The following GALNTL6 variants were observed in gnomAD, a reference collection of about 807,000 sequenced individuals.
The protein encoded by GALNTL6 is polypeptide N-acetylgalactosaminyltransferase like 6.
GALNTL6 carries 46 observed loss-of-function variants against 73.7 expected under a neutral mutation model. The observed-to-expected ratio is 0.62, with a 90% confidence interval of 0.49 to 0.80. GALNTL6 has a LOEUF of 0.80. Among genes scored for constraint, GALNTL6 ranks in the 30% least tolerant of loss-of-function variants. The pLI, the probability that GALNTL6 is intolerant of heterozygous loss-of-function variation, is 0.00. For missense variants in GALNTL6, 604 were observed against 755.0 expected, an observed-to-expected ratio of 0.80 and a Z score of 2.34; for synonymous variants, 259 against 263.7, an observed-to-expected ratio of 0.98 and a Z score of 0.17.
At chr4:172,090,812 G>T (rs923119826) in intron 2 of GALNTL6, among the ~76,000 whole-genome samples, 1 of 152,086 alleles carries the variant, frequency 6.6e-6, no homozygotes, top group Non-Finnish European at 1.5e-5. Flanking sequence ...TTCTTCTAGG[G>T]TTTTTATGGT....
At chr4:172,878,302 T>G (rs1293285506) in intron 7 of GALNTL6, among the ~76,000 whole-genome samples, 1 of 151,914 alleles carries the variant, frequency 6.6e-6, no homozygotes, top group Non-Finnish European at 1.5e-5. Flanking sequence ...TAGGGCCACT[T>G]ATTTCCAACA....
chr4:172,469,024 G>A (rs1732941247), intron 5 of GALNTL6, among the ~76,000 whole-genome samples: 1 of 152,126 alleles, frequency 6.6e-6, no homozygotes, highest in South Asian at 2.1e-4. Context: ...GGATTCATTG[G>A]TTGGCATTTG....
chr4:172,953,053 G>A (rs1263721618), intron 10 of GALNTL6, among the ~76,000 whole-genome samples: 1 of 152,142 alleles, frequency 6.6e-6, no homozygotes. Flanking sequence ...GAGTCATGAA[G>A]AAATGCATTT....
intron 5 of GALNTL6, among the ~76,000 whole-genome samples, chr4:172,498,975 C>G (rs1023236594): frequency 6.6e-6 from 1 of 152,292 alleles, no homozygotes; most frequent in South Asian, 2.1e-4. Context: ...AAAAACCTTA[C>G]TTAGTCTGGC....
At chr4:171,944,823 A>G (rs562262598) in intron 2 of GALNTL6, among the ~76,000 whole-genome samples, 2 of 151,906 alleles carry the variant, frequency 1.3e-5, no homozygotes, top group Non-Finnish European at 2.9e-5. Context: ...TAAAAAAAAA[A>G]TCTCACCTGT....
chr4:172,034,064 C>T (rs1377404653), intron 2 of GALNTL6, among the ~76,000 whole-genome samples: 1 of 152,006 alleles, frequency 6.6e-6, no homozygotes, highest in African/African-American at 2.4e-5. Flanking sequence ...AGTGAGTTGT[C>T]GGGGCCCAAA....
At chr4:172,887,829 G>T (rs1745813108) in intron 8 of GALNTL6, among the ~76,000 whole-genome samples, 1 of 152,240 alleles carries the variant, frequency 6.6e-6, no homozygotes, top group Admixed American at 6.5e-5. Context: ...CTCCCAAAGT[G>T]CTAGGATTGT....
In GALNTL6 at chr4:172,635,712, G is replaced by C. The variant is rs551481666; in HGVS notation, c.554-173649G>C. Among the ~76,000 whole-genome samples the C allele has an allele frequency of 3.9e-5, 6 of 152,198 alleles. No individual in the cohort carries two copies. The South Asian group carries it at 1.2e-3, about 32-fold the overall frequency. On this transcript the variant is annotated intron_variant, in intron 5 of 12. Transcript: ENST00000506823. ...AGAAACAAATGAAGTATTCTAGATT[G>C]TGGATGATCAGATCCAAGTTTGGCA... is the stretch of plus-strand genomic sequence containing the variant.
chr4:172,903,577 T>A (rs1448617062), intron 8 of GALNTL6, among the ~76,000 whole-genome samples: 1 of 152,188 alleles, frequency 6.6e-6, no homozygotes, highest in African/African-American at 2.4e-5. Context: ...CCTATAAATG[T>A]ACATTTATTT....
chr4:172,445,269 A>G (rs371140308), intron 5 of GALNTL6, among the ~76,000 whole-genome samples: 1 of 152,178 alleles, frequency 6.6e-6, no homozygotes, highest in Admixed American at 6.5e-5. Flanking sequence ...CCCATTTCCA[A>G]ATAATTTAAA....
chr4:172,583,527 G>A (rs879464704), intron 5 of GALNTL6, among the ~76,000 whole-genome samples: 12 of 152,092 alleles, frequency 7.9e-5, no homozygotes, highest in South Asian at 2.1e-4. Flanking sequence ...ATTTGGAAGC[G>A]TAAATTTGAA....
chr4:171,832,755 T>C (rs1346204982), intron 2 of GALNTL6, among the ~76,000 whole-genome samples: 5 of 151,744 alleles, frequency 3.3e-5, no homozygotes, highest in African/African-American at 1.2e-4. Context: ...TTGATTTTTA[T>C]TAATTATGAG....
At chr4:172,758,176 A>G (rs1737859586) in intron 5 of GALNTL6, among the ~76,000 whole-genome samples, 1 of 152,250 alleles carries the variant, frequency 6.6e-6, no homozygotes, top group Non-Finnish European at 1.5e-5. Flanking sequence ...AGTATTGTAT[A>G]CATGTTTTAA....
intron 4 of GALNTL6, among the ~76,000 whole-genome samples, chr4:172,336,269 T>TC: frequency 1.7e-5 from 1 of 58,096 alleles, no homozygotes; most frequent in Non-Finnish European, 3.6e-5. Flanking sequence ...GGTATAGTTT[T>TC]GTTTTGTTTT....
chr4:172,106,698 G>C (rs114725812), intron 2 of GALNTL6, among the ~76,000 whole-genome samples: 3,094 of 152,152 alleles, frequency 0.02, 104 homozygotes, highest in African/African-American at 0.069. Context: ...TATTGGAGCA[G>C]TACAGTTAAA....
chr4:172,662,579 C>T (rs532192962), intron 5 of GALNTL6, among the ~76,000 whole-genome samples: 4 of 152,310 alleles, frequency 2.6e-5, no homozygotes, highest in African/African-American at 7.2e-5. Flanking sequence ...GAGCAGTAAA[C>T]TGCATCATAC....
chr4:172,138,754 C>T (rs1733723648), intron 2 of GALNTL6, among the ~76,000 whole-genome samples: 1 of 150,688 alleles, frequency 6.6e-6, no homozygotes, highest in South Asian at 2.1e-4. Flanking sequence ...TGGTTTCGAT[C>T]TCCTGACCTC....
intron 5 of GALNTL6, among the ~76,000 whole-genome samples, chr4:172,683,880 T>C (rs1732772362): frequency 1.3e-5 from 2 of 152,220 alleles, no homozygotes; most frequent in African/African-American, 2.4e-5. Context: ...ATTAGCTTTT[T>C]CGTGTTAGCA....
chr4:171,990,653 T>TAGGTTAATGGGTGGATGGA (rs1387475306), intron 2 of GALNTL6, among the ~76,000 whole-genome samples: 1 of 152,164 alleles, frequency 6.6e-6, no homozygotes, highest in Non-Finnish European at 1.5e-5. Flanking sequence ...ACAAAAATTC[T>TAGGTTAATGGGTGGATGGA]AGGTTAATGG....
Sources: gnomAD v4.1 joint callset for allele counts (sites outside exome capture counted in the v4.1 genomes callset) on GRCh38, gnomAD v4.1.1 for gene constraint, MANE v1.5 for transcripts, NCBI Gene and HGNC (gene_info 2026-07-23, HGNC 2026-07-21) for gene names.